The following FMNL2 variants were observed in gnomAD, a reference collection of about 807,000 sequenced individuals.
FMNL2 encodes the protein formin like 2.
In FMNL2, 51 loss-of-function variants were observed where a neutral mutation model predicts 130.2. That is an observed-to-expected ratio of 0.39 (90% CI 0.31 to 0.49). The LOEUF (loss-of-function observed/expected upper bound fraction) is 0.49, where lower values mean the gene tolerates loss of function less well. Ranked by LOEUF, FMNL2 falls within the 20% of genes least tolerant of loss-of-function variation. FMNL2 has a pLI of 0.85. For synonymous variants in FMNL2, 465 were observed against 467.1 expected (o/e 1.00, Z 0.06); for missense variants, 977 against 1,316.2 (o/e 0.74, Z 3.99).
chr2:152,448,293 A>G (rs988763909), intron 1 of FMNL2, among the ~76,000 whole-genome samples: 1 of 152,044 alleles, frequency 6.6e-6, no homozygotes, highest in African/African-American at 2.4e-5. Context: ...TTAATTTTAA[A>G]TTTTTGGATA....
intron 1 of FMNL2, among the ~76,000 whole-genome samples, chr2:152,383,144 G>A (rs1254975046): frequency 6.6e-6 from 1 of 152,112 alleles, no homozygotes; most frequent in Non-Finnish European, 1.5e-5. Flanking sequence ...AGAGAGAGAG[G>A]TAGTTTTAAT....
chr2:152,644,269 A>G (rs1683348613), intron 25 of FMNL2, among the ~76,000 whole-genome samples: 1 of 152,230 alleles, frequency 6.6e-6, no homozygotes, highest in African/African-American at 2.4e-5. Flanking sequence ...GTAGGTTTAC[A>G]GATATTAACC....
chr2:152,577,135 A>C (rs1386640432), intron 7 of FMNL2, among the ~76,000 whole-genome samples: 1 of 152,122 alleles, frequency 6.6e-6, no homozygotes, highest in Non-Finnish European at 1.5e-5. Flanking sequence ...TGGTGGTCAT[A>C]TGGACTAGGA....
At chr2:152,501,498 T>G (rs1558917616) in intron 1 of FMNL2, among the ~76,000 whole-genome samples, 1 of 152,212 alleles carries the variant, frequency 6.6e-6, no homozygotes, top group Admixed American at 6.5e-5. Context: ...ATTGTTAAGT[T>G]TATCTTCAAT....
chr2:152,565,936 C>T (rs570984121), intron 6 of FMNL2, among the ~76,000 whole-genome samples: 14 of 152,188 alleles, frequency 9.2e-5, no homozygotes, highest in South Asian at 4.1e-4. Context: ...TGTGCCACCA[C>T]GCCTGCCTAA....
chr2:152,538,619 T>C (rs1033391348), intron 2 of FMNL2, among the ~76,000 whole-genome samples: 19 of 152,214 alleles, frequency 1.2e-4, no homozygotes, highest in Admixed American at 4.6e-4. Context: ...ATATAAAACT[T>C]TCATGGGAAC....
chr2:152,469,568 C>T (rs574825075), intron 1 of FMNL2, among the ~76,000 whole-genome samples: 2 of 152,344 alleles, frequency 1.3e-5, no homozygotes, highest in South Asian at 2.1e-4. Context: ...AGGACTTCTG[C>T]TCCCCCTTGC....
chr2:152,546,059 G>A (rs953131648), intron 3 of FMNL2, among the ~76,000 whole-genome samples: 1 of 152,112 alleles, frequency 6.6e-6, no homozygotes, highest in African/African-American at 2.4e-5. Context: ...ATAGCTCTTA[G>A]TCCTTCAGTG....
At chr2:152,638,760 A>G (rs1682833983) in intron 23 of FMNL2, among the ~76,000 whole-genome samples, 1 of 152,212 alleles carries the variant, frequency 6.6e-6, no homozygotes, top group Non-Finnish European at 1.5e-5. Flanking sequence ...TTGGTAGCCC[A>G]AGCCCACTGG....
At chr2:152,563,278 C>G (rs1256454644) in intron 6 of FMNL2, among the ~76,000 whole-genome samples, 1 of 152,118 alleles carries the variant, frequency 6.6e-6, no homozygotes, top group East Asian at 1.9e-4. Context: ...AGCTAAGAAA[C>G]CAATACCACA....
intron 1 of FMNL2, among the ~76,000 whole-genome samples, chr2:152,488,162 A>G (rs541264463): frequency 3.3e-5 from 5 of 152,310 alleles, no homozygotes; most frequent in Non-Finnish European, 5.9e-5. Flanking sequence ...AATAGGCCCT[A>G]TGCTGGGTCC....
chr2:152,347,997 AT>A (rs554589318), intron 1 of FMNL2, among the ~76,000 whole-genome samples: 2 of 142,224 alleles, frequency 1.4e-5, no homozygotes, highest in African/African-American at 5.2e-5. Context: ...TCTCCTTCGT[AT>A]TTTTTTCCCC....
intron 24 of FMNL2, 125 bp from the exon 25 acceptor site, chr2:152,640,666 T>G (rs1683004091): frequency 1.1e-5 from 13 of 1,182,898 alleles, no homozygotes; most frequent in Non-Finnish European, 1.4e-5. Context: ...GAGCAGAATG[T>G]GGGATGTGTG....
chr2:152,365,874 G>A (rs1683498899), intron 1 of FMNL2, among the ~76,000 whole-genome samples: 1 of 152,202 alleles, frequency 6.6e-6, no homozygotes, highest in Non-Finnish European at 1.5e-5. Flanking sequence ...CCGAGAATTG[G>A]TGCCTCAAAA....
intron 12 of FMNL2, among the ~76,000 whole-genome samples, chr2:152,615,491 A>G (rs147003914): frequency 1.3e-5 from 2 of 152,318 alleles, no homozygotes; most frequent in African/African-American, 4.8e-5. Flanking sequence ...GGCATTTTCA[A>G]GGACATCGGT....
chr2:152,549,464 G>A (rs1271789199), intron 4 of FMNL2, among the ~76,000 whole-genome samples: 1 of 152,166 alleles, frequency 6.6e-6, no homozygotes, highest in Admixed American at 6.5e-5. Context: ...AAGTTGGTTG[G>A]TTGAAGCTGC....
chr2:152,619,394 A>G (rs1442614352), intron 14 of FMNL2, 115 bp from the exon 15 acceptor site: 1 of 1,465,804 alleles, frequency 6.8e-7, no homozygotes, highest in Non-Finnish European at 9.1e-7. Context: ...TTTTGAAAAC[A>G]GTCCTTTGTC....
At chr2:152,477,439 C>G (rs1350724471) in intron 1 of FMNL2, among the ~76,000 whole-genome samples, 1 of 152,186 alleles carries the variant, frequency 6.6e-6, no homozygotes. Context: ...AAAAACCCCA[C>G]AGTGTCTAGA....
intron 1 of FMNL2, among the ~76,000 whole-genome samples, chr2:152,343,846 TG>T (rs34030349): frequency 0.83 from 126,098 of 152,050 alleles, 53,401 homozygotes; most frequent in East Asian, 0.96. Context: ...TGACATCACT[TG>T]GCGATCCTCA....
Sources: gnomAD v4.1 joint callset for allele counts (sites outside exome capture counted in the v4.1 genomes callset) on GRCh38, gnomAD v4.1.1 for gene constraint, MANE v1.5 for transcripts, NCBI Gene and HGNC (gene_info 2026-07-23, HGNC 2026-07-21) for gene names.